Variants in FGF12 observed in about 807,000 individuals in gnomAD.
The protein encoded by FGF12 is fibroblast growth factor 12B.
FGF12 carries 14 observed loss-of-function variants against 23.6 expected under a neutral mutation model. That is an observed-to-expected ratio of 0.59 (90% confidence interval 0.39 to 0.93). FGF12 has a LOEUF of 0.93. FGF12 is among the 40% of genes least tolerant of loss of function. The pLI, the probability that FGF12 is intolerant of heterozygous loss-of-function variation, is 0.00. For synonymous variants in FGF12, 62 were observed against 77.3 expected, an observed-to-expected ratio of 0.80 and a Z score of 1.04; for missense variants, 175 against 217.8, an observed-to-expected ratio of 0.80 and a Z score of 1.24.
chr3:192,331,592 A>T (rs1462490642), intron 4 of FGF12, among the ~76,000 whole-genome samples: 1 of 152,162 alleles, frequency 6.6e-6, no homozygotes, highest in African/African-American at 2.4e-5. Flanking sequence ...AGCCAGTTAC[A>T]AAATGCACAA....
chr3:192,155,960 G>A (rs1004114011), intron 5 of FGF12, among the ~76,000 whole-genome samples: 2 of 152,172 alleles, frequency 1.3e-5, no homozygotes, highest in African/African-American at 4.8e-5. Flanking sequence ...GAAGTGCAAT[G>A]TATTTCAAGA....
chr3:192,570,225 T>C (rs146945713), intron 2 of FGF12, among the ~76,000 whole-genome samples: 44 of 152,274 alleles, frequency 2.9e-4, no homozygotes, highest in African/African-American at 1.0e-3. Context: ...GCTTTTGTTT[T>C]CCATGGGGGG....
intron 3 of FGF12, among the ~76,000 whole-genome samples, chr3:192,342,213 T>G (rs1205126540): frequency 6.6e-6 from 1 of 152,228 alleles, no homozygotes; most frequent in Non-Finnish European, 1.5e-5. Context: ...TAGGAGTAGT[T>G]TCTCCTTACA....
At chr3:192,298,580 C>T (rs906496507) in intron 4 of FGF12, among the ~76,000 whole-genome samples, 18 of 152,066 alleles carry the variant, frequency 1.2e-4, no homozygotes, top group Admixed American at 1.1e-3. Context: ...TGGTGAAACT[C>T]CATCTCTACT....
intron 2 of FGF12, among the ~76,000 whole-genome samples, chr3:192,467,417 C>T (rs1400102726): frequency 6.6e-6 from 1 of 152,160 alleles, no homozygotes; most frequent in Non-Finnish European, 1.5e-5. Flanking sequence ...AGTTTCCCAG[C>T]CTTACAGTAC....
intron 4 of FGF12, among the ~76,000 whole-genome samples, chr3:192,327,203 A>G (rs1377455112): frequency 6.6e-6 from 1 of 152,116 alleles, no homozygotes; most frequent in Non-Finnish European, 1.5e-5. Context: ...ACAAATCTAA[A>G]AGTCCTTCAG....
intron 4 of FGF12, among the ~76,000 whole-genome samples, chr3:192,212,469 G>A (rs780494570): frequency 8.5e-5 from 13 of 152,096 alleles, no homozygotes; most frequent in Non-Finnish European, 1.9e-4. Context: ...TAAATAACTT[G>A]TTATTTAGAA....
intron 4 of FGF12, among the ~76,000 whole-genome samples, chr3:192,311,599 T>C (rs1199114132): frequency 6.6e-6 from 1 of 152,204 alleles, no homozygotes; most frequent in Non-Finnish European, 1.5e-5. Flanking sequence ...AATGCTACTA[T>C]GGGTATGCAT....
At chr3:192,268,539 G>A (rs1210432853) in intron 4 of FGF12, 4 of 212,886 alleles carry the variant, frequency 1.9e-5, no homozygotes, top group Middle Eastern at 4.8e-4. Context: ...AATGGCTTGG[G>A]TCATCCCCTT....
At chr3:192,707,274 G>A (rs1027291254) in intron 2 of FGF12, among the ~76,000 whole-genome samples, 5 of 152,122 alleles carry the variant, frequency 3.3e-5, no homozygotes, top group African/African-American at 1.2e-4. Context: ...CTAATGCCAG[G>A]GGTGTAACTA....
At chr3:192,233,801 G>A (rs2108587270) in intron 4 of FGF12, among the ~76,000 whole-genome samples, 1 of 152,248 alleles carries the variant, frequency 6.6e-6, no homozygotes, top group South Asian at 2.1e-4. Context: ...TGAATAGGGA[G>A]TCCTTTTCCC....
intron 4 of FGF12, among the ~76,000 whole-genome samples, chr3:192,260,144 TC>T (rs767234776): frequency 1.3e-5 from 2 of 152,158 alleles, no homozygotes; most frequent in Non-Finnish European, 2.9e-5. Flanking sequence ...GCCAAAATGT[TC>T]CTATGCCTAG....
At chr3:192,386,130 A>T (rs1720030448) in intron 2 of FGF12, among the ~76,000 whole-genome samples, 1 of 152,248 alleles carries the variant, frequency 6.6e-6, no homozygotes, top group African/African-American at 2.4e-5. Flanking sequence ...CTAATTAGTG[A>T]CATTGTCTCC....
intron 2 of FGF12, among the ~76,000 whole-genome samples, chr3:192,674,956 C>G (rs1717270065): frequency 6.6e-6 from 1 of 152,156 alleles, no homozygotes; most frequent in East Asian, 1.9e-4. Context: ...AGCTTTGCAG[C>G]CTTTCCATGT....
chr3:192,197,627 G>A (rs1027039555), intron 4 of FGF12, among the ~76,000 whole-genome samples: 2 of 152,146 alleles, frequency 1.3e-5, no homozygotes, highest in Non-Finnish European at 2.9e-5. Flanking sequence ...ACAGATGAAG[G>A]GAGAATAGTG....
Position 192,702,437 on chromosome 3 carries a change from G to C in FGF12, c.13+24744C>G, listed in dbSNP as rs1258576905. Among the ~76,000 whole-genome samples, 12 of 152,154 alleles carry C rather than the reference G, an allele frequency of 7.9e-5. 1 individual carries two copies. The highest frequency in any genetic ancestry group is 7.9e-4 in the Admixed American group (12 of 15,272). ...ACTAAATACCTACATTATGTAAGTT[G>C]AAAACTTTCTTATAGCCTTCTTATT... On this transcript the variant is annotated intron_variant, in intron 2 of 5. Transcript: ENST00000445105.
chr3:192,406,210 T>C (rs1720950563), intron 2 of FGF12, among the ~76,000 whole-genome samples: 1 of 151,898 alleles, frequency 6.6e-6, no homozygotes, highest in South Asian at 2.1e-4. Flanking sequence ...AATGAAGCCA[T>C]GCAAAAGTAA....
chr3:192,345,825 C>T (rs1357426589), intron 3 of FGF12, among the ~76,000 whole-genome samples: 2 of 152,060 alleles, frequency 1.3e-5, no homozygotes, highest in African/African-American at 4.8e-5. Context: ...TAGAACCATC[C>T]TGCTCAAAAG....
chr3:192,222,247 C>T (rs2108574079), intron 4 of FGF12, among the ~76,000 whole-genome samples: 1 of 152,162 alleles, frequency 6.6e-6, no homozygotes, highest in East Asian at 1.9e-4. Flanking sequence ...TTAGGTTCAA[C>T]AAAGAACGCT....
Sources: allele counts gnomAD v4.1 joint callset (sites outside exome capture counted in the v4.1 genomes callset), GRCh38; gene constraint gnomAD v4.1.1; transcripts MANE v1.5; gene names NCBI Gene and HGNC (gene_info 2026-07-23, HGNC 2026-07-21).